The following C18orf63 variants were observed in gnomAD, a reference collection of about 807,000 sequenced individuals.
C18orf63 encodes chromosome 18 open reading frame 63, also known as uncharacterized protein C18orf63.
Under a neutral mutation model 75.3 loss-of-function variants are expected in C18orf63, and 50 were observed. That is an observed-to-expected ratio of 0.66 (90% CI 0.53 to 0.84). The LOEUF (loss-of-function observed/expected upper bound fraction) is 0.84, where lower values mean the gene tolerates loss of function less well. Ranked by LOEUF, C18orf63 falls within the 40% of genes least tolerant of loss-of-function variation. The pLI is 0.00. For missense variants in C18orf63, 732 were observed against 800.2 expected (o/e 0.91, Z 1.03); for synonymous variants, 232 against 267.6 (o/e 0.87, Z 1.30).
chr18:74,353,292 G>A lies in C18orf63; in HGVS notation c.1025G>A (p.Arg342Lys), dbSNP rs1041681880. 6.5e-7 allele frequency: 1 copy of A among 1,536,108 alleles called. No homozygotes were observed. Among genetic ancestry groups the A allele is most frequent in the African/African-American group, 1.4e-5 (1 of 72,900 alleles). The stretch of plus-strand genomic sequence containing the variant: ...AATTTGACCACTAAAAAAATGCTTA[G>A]GGCATCTCTGACTCAAGCCACTTCC... ...PPNLTTKKML[R>K]ASLTQATSRK... Residue 342 changes from arginine to lysine, a missense_variant, in exon 12 of 14, where the codon AGG (arginine) becomes AAG (lysine). Arg to Lys is a conservative substitution (Grantham distance 26). Transcript: ENST00000579455.
At chr18:74,327,025 C>T (rs1180657011) in intron 4 of C18orf63, among the ~76,000 whole-genome samples, 1 of 152,076 alleles carries the variant, frequency 6.6e-6, no homozygotes, top group Non-Finnish European at 1.5e-5. Flanking sequence ...TGCCCTTATA[C>T]AAAGGCTGGA....
At chr18:74,325,367 A>G (rs945611941) in intron 4 of C18orf63, among the ~76,000 whole-genome samples, 1 of 152,162 alleles carries the variant, frequency 6.6e-6, no homozygotes, top group African/African-American at 2.4e-5. Flanking sequence ...TTGATTTCCA[A>G]TGTAATTGTT....
At chr18:74,331,577 G>T (rs993329905) in intron 7 of C18orf63, among the ~76,000 whole-genome samples, 9 of 152,154 alleles carry the variant, frequency 5.9e-5, no homozygotes, top group African/African-American at 1.9e-4. Context: ...TATCACAGTG[G>T]AGGAAGGATG....
chr18:74,346,161 A>G (rs1224518688), intron 11 of C18orf63, among the ~76,000 whole-genome samples: 3 of 152,120 alleles, frequency 2.0e-5, no homozygotes, highest in Non-Finnish European at 2.9e-5. Context: ...AAATGTATTA[A>G]TTACATGAAT....
At chr18:74,327,754 T>C (rs1301122067) in intron 4 of C18orf63, among the ~76,000 whole-genome samples, 193 bp from the exon 5 acceptor site, 1 of 152,222 alleles carries the variant, frequency 6.6e-6, no homozygotes, top group African/African-American at 2.4e-5. Flanking sequence ...GTAGTGGTTT[T>C]GAAGTGAATA....
Position 74,353,831 on chromosome 18 carries a change from A to T in C18orf63, c.1564A>T (p.Met522Leu). 6.5e-7 allele frequency: 1 copy of T among 1,536,036 alleles called. No individual in the cohort carries two copies. The highest frequency in any genetic ancestry group is 1.2e-5 in the South Asian group (1 of 84,064). The change falls in exon 12 of 14, where the codon ATG (methionine) becomes TTG (leucine). Residue 522 changes from methionine to leucine, a missense_variant. Physicochemically the swap from Met to Leu is conservative, Grantham distance 15. This residue lies in a region of C18orf63 where 495 missense variants were observed against 508.7 expected (regional missense o/e 0.97). Coordinates refer to ENST00000579455, the MANE Select transcript of C18orf63 (RefSeq NM_001174123.2). ...QEKNTESSEN[M>L]TKFPSSRGKS... ...AAAAAATACAGAGTCTTCTGAAAAT[A>T]TGACAAAATTTCCCTCTTCTCGTGG... is the stretch of plus-strand genomic sequence containing the variant.
In C18orf63 at chr18:74,353,680, C is replaced by A; in HGVS notation, c.1413C>A (p.Leu471=). The A allele has an allele frequency of 6.5e-7, 1 of 1,535,980 alleles. No individual in the cohort carries two copies. The highest frequency in any genetic ancestry group is 2.4e-5 in the East Asian group (1 of 40,906). ...HDVTQSKLFS[L]KTSMIQHDKL... ...TGACACAATCTAAATTGTTTTCACT[C>A]AAAACTAGTATGATCCAGCATGACA... Residue 471 remains leucine, a synonymous_variant, in exon 12 of 14, where the codon CTC becomes CTA. Transcript: ENST00000579455.
chr18:74,342,169 T>G (rs1428061686), intron 9 of C18orf63, 41 bp downstream of exon 9: 1 of 1,432,906 alleles, frequency 7.0e-7, no homozygotes, highest in Non-Finnish European at 9.5e-7. Flanking sequence ...AGTTATTTGA[T>G]TTTTGTTTAT....
At chr18:74,335,750 T>C (rs1984381378) in intron 7 of C18orf63, among the ~76,000 whole-genome samples, 2 of 152,122 alleles carry the variant, frequency 1.3e-5, no homozygotes, top group South Asian at 4.1e-4. Context: ...CAAGTGCTGA[T>C]GGAAAACACC....
chr18:74,354,024 G>T lies in C18orf63; in HGVS notation c.1757G>T (p.Gly586Val). ...ACACAAATTTTAGGGAAAAGCCATG[G>T]GTCACTAAAACTGAAAAGACAGCCA... is the stretch of plus-strand genomic sequence containing the variant. The part of the protein sequence containing the change: ...GITQILGKSH[G>V]SLKLKRQPHI... Residue 586 changes from glycine (G) to valine (V), a missense_variant, in exon 12 of 14, where the codon GGG (glycine) becomes GTG (valine). Gly to Val is a moderately radical substitution (Grantham distance 109, BLOSUM62 -3). This residue lies in a region of C18orf63 where 495 missense variants were observed against 508.7 expected (regional missense o/e 0.97). Coordinates refer to ENST00000579455, the MANE Select transcript of C18orf63 (RefSeq NM_001174123.2). 3.3e-6 allele frequency: 5 copies of T among 1,536,298 alleles called. No homozygotes were observed. Among genetic ancestry groups the T allele is most frequent in the Non-Finnish European group, 4.4e-6 (5 of 1,146,922 alleles).
At position 74,327,964 on chromosome 18, in the gene C18orf63, A is replaced by C; in HGVS notation, c.288A>C (p.Arg96Ser). Residue 96 changes from arginine (R) to serine (S), a missense_variant, in exon 5 of 14, where the codon AGA (arginine) becomes AGC (serine). Coordinates refer to ENST00000579455, the MANE Select transcript of C18orf63 (RefSeq NM_001174123.2). ...KYGAKMEAPQ[R>S]VIPVILQNCL... ...ATTTTTAGATGGAGGCTCCACAAAG[A>C]GTAATTCCTGTAATTCTTCAGAACT... The C allele has an allele frequency of 6.5e-7, 1 of 1,534,790 alleles. No homozygotes were observed. Among genetic ancestry groups the C allele is most frequent in the Non-Finnish European group, 8.7e-7 (1 of 1,145,670 alleles).
rs1984771538 is a variant in C18orf63, at chr18:74,356,699, A to T, written c.*252A>T. The T allele has an allele frequency of 9.2e-6, 1 of 108,540 alleles. No individual in the cohort carries two copies. The highest frequency in any genetic ancestry group is 2.2e-5 in the Non-Finnish European group (1 of 44,592). 6.7% of individuals were successfully genotyped at this position (108,540 alleles called of 1,614,324 possible). On this transcript the variant is annotated 3_prime_UTR_variant, in exon 14 of 14. Transcript: ENST00000579455. The stretch of plus-strand genomic sequence containing the variant: ...CTTCCCAACTTTTCACTATTACAAC[A>T]TCATGTAGTCTGCAGATCTTTGCAA...
chr18:74,355,699 C>A (rs1161982568), intron 13 of C18orf63, among the ~76,000 whole-genome samples: 2 of 152,070 alleles, frequency 1.3e-5, no homozygotes. Flanking sequence ...GCAGGTGGAT[C>A]ACCTGAGATC....
chr18:74,327,980 C>A lies in C18orf63; in HGVS notation c.304C>A (p.Leu102Ile). The A allele has an allele frequency of 6.5e-7, 1 of 1,535,544 alleles. No individual in the cohort carries two copies. The highest frequency in any genetic ancestry group is 8.7e-7 in the Non-Finnish European group (1 of 1,146,370). The change falls in exon 5 of 14, where the codon CTT (leucine) becomes ATT (isoleucine). Residue 102 changes from leucine to isoleucine, a missense_variant. By Grantham distance (5) the Leu-to-Ile change is conservative. Transcript: ENST00000579455. ...EAPQRVIPVILQNCLSYSFMA... is the reference protein window; with the variant it reads ...EAPQRVIPVIIQNCLSYSFMA... ...TCCACAAAGAGTAATTCCTGTAATT[C>A]TTCAGAACTGCCTGTCATATTCATT...
At chr18:74,330,073 T>G (rs1282825919) in intron 6 of C18orf63, among the ~76,000 whole-genome samples, 1 of 151,918 alleles carries the variant, frequency 6.6e-6, no homozygotes, top group Non-Finnish European at 1.5e-5. Context: ...GTGAATGGGT[T>G]CATTACCTAC....
At chr18:74,325,112 C>T (rs1009840354) in intron 4 of C18orf63, among the ~76,000 whole-genome samples, 1 of 152,058 alleles carries the variant, frequency 6.6e-6, no homozygotes, top group Admixed American at 6.6e-5. Context: ...TCTTATTTTT[C>T]TAGTTTCTTA....
chr18:74,354,916 C>G (rs1984737877), intron 13 of C18orf63, among the ~76,000 whole-genome samples: 1 of 152,176 alleles, frequency 6.6e-6, no homozygotes, highest in African/African-American at 2.4e-5. Context: ...AGATAATAAA[C>G]CTTAAATGAT....
intron 7 of C18orf63, among the ~76,000 whole-genome samples, chr18:74,336,998 A>G (rs1333325739): frequency 6.6e-6 from 1 of 151,994 alleles, no homozygotes. Flanking sequence ...CAGTCTCCAT[A>G]TGGGCCTGTT....
chr18:74,354,066 A>C lies in C18orf63; in HGVS notation c.1799A>C (p.Asp600Ala). The change falls in exon 12 of 14, where the codon GAT becomes GCT. Residue 600 changes from aspartate (D) to alanine (A), a missense_variant. By Grantham distance (126) the Asp-to-Ala change is moderately radical. Around this residue, in one of 3 missense-constraint regions of C18orf63, gnomAD observed 495 missense variants for 508.7 expected, o/e 0.97. Coordinates refer to ENST00000579455, the MANE Select transcript of C18orf63 (RefSeq NM_001174123.2). ...LKRQPHIFES[D>A]GETEDPRLLQ... Reference sequence around the variant, plus strand: ...AGACAGCCACACATTTTTGAATCAGATGGAGAAACCGAAGATCCACGACTG... The same window carrying C: ...AGACAGCCACACATTTTTGAATCAGCTGGAGAAACCGAAGATCCACGACTG... 1 of 1,536,292 alleles carries C rather than the reference A, an allele frequency of 6.5e-7. No individual in the cohort carries two copies. Among genetic ancestry groups the C allele is most frequent in the Non-Finnish European group, 8.7e-7 (1 of 1,146,930 alleles).
Sources: allele counts gnomAD v4.1 joint callset (sites outside exome capture counted in the v4.1 genomes callset), GRCh38; gene constraint gnomAD v4.1.1; regional missense constraint gnomAD v4.1.1; transcripts MANE v1.5; gene names NCBI Gene and HGNC (gene_info 2026-07-23, HGNC 2026-07-21).